The following CD86 variants were observed in gnomAD, a reference collection of about 807,000 sequenced individuals.
CD86 encodes the protein CD86 molecule.
Under a neutral mutation model 32.1 loss-of-function variants are expected in CD86, and 11 were observed. That is an observed-to-expected ratio of 0.34 (90% CI 0.22 to 0.57). The LOEUF is 0.57. Ranked by LOEUF, CD86 falls within the 20% of genes least tolerant of loss-of-function variation. CD86 has a pLI of 0.86. For missense variants in CD86, 359 were observed against 398.4 expected, an observed-to-expected ratio of 0.90 and a Z score of 0.84; for synonymous variants, 137 against 135.3, an observed-to-expected ratio of 1.01 and a Z score of -0.09.
chr3:122,098,063 G>C (rs1451565996), intron 2 of CD86, among the ~76,000 whole-genome samples: 1 of 152,180 alleles, frequency 6.6e-6, no homozygotes, highest in Non-Finnish European at 1.5e-5. Flanking sequence ...CCTCAGCAAG[G>C]CTTGTCAGAT....
intron 2 of CD86, among the ~76,000 whole-genome samples, chr3:122,095,469 G>A (rs2072893114): frequency 6.6e-6 from 1 of 152,144 alleles, no homozygotes; most frequent in Non-Finnish European, 1.5e-5. Context: ...ACAGGCATGA[G>A]CCACTGCGCC....
chr3:122,094,597 C>T (rs922546628), intron 2 of CD86, among the ~76,000 whole-genome samples: 3 of 152,208 alleles, frequency 2.0e-5, no homozygotes, highest in Non-Finnish European at 4.4e-5. Context: ...GACCTAGCCA[C>T]AGGGCCGGCT....
chr3:122,103,926 G>C, intron 3 of CD86, 79 bp downstream of exon 3: 1 of 1,167,500 alleles, frequency 8.6e-7, no homozygotes. Flanking sequence ...ACACTGGAGG[G>C]GGACTTGAGG....
chr3:122,104,226 G>A (rs577148727), intron 3 of CD86, among the ~76,000 whole-genome samples: 5 of 152,104 alleles, frequency 3.3e-5, no homozygotes, highest in African/African-American at 1.2e-4. Context: ...TTTTCCTTGG[G>A]TCCAAGATTT....
chr3:122,103,487 C>T (rs2107538397), intron 2 of CD86, 25 bp from the exon 3 acceptor site: 1 of 1,538,086 alleles, frequency 6.5e-7, no homozygotes, highest in Non-Finnish European at 8.9e-7. Context: ...TTTCTCCCTC[C>T]CTAATCCTTA....
At chr3:122,108,415 C>T (rs2073123863) in intron 4 of CD86, among the ~76,000 whole-genome samples, 1 of 152,184 alleles carries the variant, frequency 6.6e-6, no homozygotes, top group Non-Finnish European at 1.5e-5. Flanking sequence ...TAAATATGGC[C>T]TGCAATGCCA....
chr3:122,089,705 C>T (rs535915045), intron 1 of CD86, among the ~76,000 whole-genome samples: 2 of 152,328 alleles, frequency 1.3e-5, no homozygotes, highest in South Asian at 2.1e-4. Context: ...AGGAATATAG[C>T]TTACTCCCAC....
chr3:122,115,319 A>C (rs559686683), intron 5 of CD86, among the ~76,000 whole-genome samples: 2 of 152,220 alleles, frequency 1.3e-5, no homozygotes, highest in Non-Finnish European at 2.9e-5. Flanking sequence ...CAAGGTCTAT[A>C]TACTGAAAAC....
At chr3:122,060,603 C>T (rs965869262) in intron 1 of CD86, among the ~76,000 whole-genome samples, 1 of 151,632 alleles carries the variant, frequency 6.6e-6, no homozygotes, top group East Asian at 1.9e-4. Context: ...GTCTGAGCAA[C>T]ATAGCGAGAC....
intron 1 of CD86, among the ~76,000 whole-genome samples, chr3:122,076,576 A>C (rs1167333191): frequency 6.6e-6 from 1 of 152,150 alleles, no homozygotes; most frequent in African/African-American, 2.4e-5. Context: ...GTGAGTCAAG[A>C]CCCTGGACCC....
Position 122,106,209 on chromosome 3 carries a change from C to A in CD86, c.412C>A (p.Gln138Lys). Residue 138 changes from glutamine (Q) to lysine (K), a missense_variant, in exon 4 of 7, where the codon CAA (glutamine) becomes AAA (lysine). Coordinates refer to ENST00000330540, the MANE Select transcript of CD86 (RefSeq NM_175862.5). The stretch of plus-strand genomic sequence containing the variant: ...TCTTCTGCTTTCAGCTAACTTCAGT[C>A]AACCTGAAATAGTACCAATTTCTAA... Reference protein sequence around the residue: ...SELSVLANFSQPEIVPISNIT... With the variant: ...SELSVLANFSKPEIVPISNIT... 1.3e-6 allele frequency: 2 copies of A among 1,595,078 alleles called. No homozygotes were observed. The highest frequency in any genetic ancestry group is 1.1e-5 in the South Asian group (1 of 87,762).
At chr3:122,083,842 A>T (rs537581644) in intron 1 of CD86, among the ~76,000 whole-genome samples, 3 of 152,234 alleles carry the variant, frequency 2.0e-5, no homozygotes, top group African/African-American at 4.8e-5. Context: ...TTGTATTCTG[A>T]TTACATGTTG....
chr3:122,055,371 C>A lies in CD86; in HGVS notation c.-119C>A. On this transcript the variant is annotated 5_prime_UTR_variant, in exon 1 of 7. Transcript: ENST00000330540. Reference sequence around the variant, plus strand: ...AGCTGGGTAGGTATACAGTCATTGCCGAGGAAGGCTTGCACAGGGTGAAAG... The same window carrying A: ...AGCTGGGTAGGTATACAGTCATTGCAGAGGAAGGCTTGCACAGGGTGAAAG... 3 of 963,424 alleles carry A rather than the reference C, an allele frequency of 3.1e-6. No individual in the cohort carries two copies. The East Asian group carries it at 7.2e-5, about 23-fold the overall frequency. The allele number at this position is 963,424 out of a possible 1,614,324, so 59.7% of individuals were successfully genotyped here.
At chr3:122,075,112 G>A (rs1017927843) in intron 1 of CD86, among the ~76,000 whole-genome samples, 9 of 151,228 alleles carry the variant, frequency 6.0e-5, no homozygotes, top group Non-Finnish European at 1.2e-4. Flanking sequence ...AAAAAAAGCC[G>A]TGGTCAGCAA....
intron 1 of CD86, among the ~76,000 whole-genome samples, chr3:122,085,647 G>A (rs115701816): frequency 7.9e-5 from 12 of 152,302 alleles, no homozygotes; most frequent in Non-Finnish European, 1.3e-4. Context: ...AGGAGCGTGT[G>A]GGCTCTTGTT....
intron 1 of CD86, among the ~76,000 whole-genome samples, chr3:122,071,220 C>T (rs1206775577): frequency 6.6e-6 from 1 of 152,118 alleles, no homozygotes; most frequent in Admixed American, 6.5e-5. Context: ...CATGTATCCA[C>T]CATTATAGTA....
intron 1 of CD86, among the ~76,000 whole-genome samples, chr3:122,073,048 C>T (rs575231447): frequency 4.1e-4 from 62 of 151,298 alleles, no homozygotes; most frequent in East Asian, 7.9e-4. Context: ...TGTAGATATG[C>T]GGCCTTATTT....
At chr3:122,097,904 A>G (rs2107532306) in intron 2 of CD86, among the ~76,000 whole-genome samples, 1 of 144,322 alleles carries the variant, frequency 6.9e-6, no homozygotes, top group East Asian at 1.9e-4. Context: ...AGCCTCAGAT[A>G]AAGAGACCTA....
intron 1 of CD86, among the ~76,000 whole-genome samples, chr3:122,074,680 G>T (rs2072533306): frequency 6.6e-6 from 1 of 152,114 alleles, no homozygotes; most frequent in Admixed American, 6.5e-5. Context: ...TCCTGACTGT[G>T]TGGTCCTCAG....
Sources: allele counts gnomAD v4.1 joint callset (sites outside exome capture counted in the v4.1 genomes callset), GRCh38; gene constraint gnomAD v4.1.1; transcripts MANE v1.5; gene names NCBI Gene and HGNC (gene_info 2026-07-23, HGNC 2026-07-21).